The following SOX5 variants were observed in gnomAD, a reference collection of about 807,000 sequenced individuals.
SOX5 encodes SRY-box transcription factor 5, also known as transcription factor SOX-5.
In SOX5, 9 loss-of-function variants were observed where a neutral mutation model predicts 92.0. The observed-to-expected ratio is 0.10, with a 90% CI of 0.06 to 0.17. SOX5 has a LOEUF of 0.17. SOX5 is among the 10% of genes least tolerant of loss of function. The pLI is 1.00. For synonymous variants in SOX5, 344 were observed against 336.3 expected (o/e 1.02, Z -0.25); for missense variants, 642 against 944.5 (o/e 0.68, Z 4.20).
At chr12:23,582,252 T>C (rs1389123526) in intron 9 of SOX5, 1 of 984,890 alleles carries the variant, frequency 1.0e-6, no homozygotes, top group Non-Finnish European at 1.2e-6. Context: ...CCTACCCAAA[T>C]AAGGCATTTC....
At chr12:24,213,419 TAAAAAAAAAAAA>T (rs67296842) in intron 3 of SOX5, 1 of 96,864 alleles carries the variant, frequency 1.0e-5, no homozygotes, top group Non-Finnish European at 2.1e-5. Flanking sequence ...CTTGAAATGC[TAAAAAAAAAAAA>T]AAAAAAAAGA....
At chr12:24,153,594 A>T (rs1251720815) in intron 4 of SOX5, among the ~76,000 whole-genome samples, 2 of 152,126 alleles carry the variant, frequency 1.3e-5, no homozygotes, top group African/African-American at 4.8e-5. Context: ...TAGGTTATCA[A>T]CATCTTCTTT....
chr12:24,112,277 C>T (rs1947445106), intron 4 of SOX5, among the ~76,000 whole-genome samples: 1 of 152,130 alleles, frequency 6.6e-6, no homozygotes, highest in African/African-American at 2.4e-5. Context: ...TGATCTATTC[C>T]TCTCAAAAAA....
chr12:24,390,639 T>C (rs887349861), intron 1 of SOX5, among the ~76,000 whole-genome samples: 8 of 152,162 alleles, frequency 5.3e-5, no homozygotes, highest in African/African-American at 1.9e-4. Flanking sequence ...TACACATTAT[T>C]TACCTCCCAC....
At chr12:24,039,396 A>G (rs895280466) in intron 4 of SOX5, among the ~76,000 whole-genome samples, 1 of 152,232 alleles carries the variant, frequency 6.6e-6, no homozygotes, top group Non-Finnish European at 1.5e-5. Context: ...GTCTTGCTAA[A>G]GTCAACATTG....
intron 3 of SOX5, among the ~76,000 whole-genome samples, chr12:23,820,285 G>A (rs2096081542): frequency 6.6e-6 from 1 of 151,856 alleles, no homozygotes; most frequent in African/African-American, 2.4e-5. Flanking sequence ...GTTTAATGTT[G>A]TAAATTTGTT....
intron 4 of SOX5, among the ~76,000 whole-genome samples, chr12:24,154,511 G>C (rs1951970556): frequency 6.6e-6 from 1 of 152,062 alleles, no homozygotes; most frequent in Non-Finnish European, 1.5e-5. Context: ...ACTTTTAAAA[G>C]GGTAAAAGAG....
At chr12:23,999,324 A>G (rs1486272676) in intron 4 of SOX5, among the ~76,000 whole-genome samples, 1 of 152,070 alleles carries the variant, frequency 6.6e-6, no homozygotes, top group African/African-American at 2.4e-5. Context: ...AATTGAGGAG[A>G]TTTTGACCAA....
At chr12:24,023,067 T>A (rs1484960477) in intron 4 of SOX5, among the ~76,000 whole-genome samples, 1 of 152,108 alleles carries the variant, frequency 6.6e-6, no homozygotes, top group Non-Finnish European at 1.5e-5. Context: ...CAACCCCATA[T>A]CTGAAACATA....
chr12:23,673,603 T>C (rs1483603248), intron 6 of SOX5, among the ~76,000 whole-genome samples: 1 of 152,108 alleles, frequency 6.6e-6, no homozygotes, highest in Non-Finnish European at 1.5e-5. Flanking sequence ...AAATTCCCTA[T>C]TACTTTCTAA....
intron 6 of SOX5, among the ~76,000 whole-genome samples, chr12:23,678,569 C>G (rs2086076789): frequency 6.6e-6 from 1 of 152,108 alleles, no homozygotes; most frequent in Admixed American, 6.6e-5. Context: ...TGCCCTCTAC[C>G]AAAGGCACTT....
intron 4 of SOX5, among the ~76,000 whole-genome samples, chr12:23,745,605 T>G (rs1434497044): frequency 6.6e-6 from 1 of 152,132 alleles, no homozygotes; most frequent in Admixed American, 6.6e-5. Context: ...CCACCACCAC[T>G]CTGAGCACTT....
At position 23,530,786 on chromosome 12, in the gene SOX5, A is replaced by C. The variant is rs1292247529; in HGVS notation, c.*3433T>G. The C allele has an allele frequency of 7.5e-5, 3 of 39,948 alleles. No homozygotes were observed. The Admixed American group carries it at 8.0e-4, about 11-fold the overall frequency. The allele number at this position is 39,948 out of a possible 1,614,324, so 2.5% of individuals were successfully genotyped here. A position where few individuals can be genotyped will look rare whatever the true frequency, so the allele number is the denominator to read the frequency against. ...CAGAATTCTGGCAAGATTATTTCTC[A>C]GTGTTGGGGCAAGTGTGTGTGTGTG... is the stretch of plus-strand genomic sequence containing the variant. On this transcript the variant is annotated 3_prime_UTR_variant, in exon 15 of 15. Transcript: ENST00000451604.
At chr12:24,015,046 G>A (rs1953428193) in intron 4 of SOX5, among the ~76,000 whole-genome samples, 1 of 151,968 alleles carries the variant, frequency 6.6e-6, no homozygotes, top group South Asian at 2.1e-4. Context: ...ATTCATCATT[G>A]TTGTGGAGCT....
chr12:23,580,654 T>C (rs966667018), intron 9 of SOX5, among the ~76,000 whole-genome samples: 4 of 152,072 alleles, frequency 2.6e-5, no homozygotes, highest in African/African-American at 9.7e-5. Context: ...ACTGGGCTAA[T>C]TGTAGTTTTC....
chr12:23,629,530 A>G (rs535076119), intron 8 of SOX5, among the ~76,000 whole-genome samples: 1 of 152,190 alleles, frequency 6.6e-6, no homozygotes, highest in Non-Finnish European at 1.5e-5. Flanking sequence ...GCTTAGCAGC[A>G]GAAATCTTTA....
intron 1 of SOX5, among the ~76,000 whole-genome samples, chr12:24,397,157 T>C (rs1180155173): frequency 1.3e-5 from 2 of 152,220 alleles, no homozygotes; most frequent in Admixed American, 6.5e-5. Context: ...AAAAGTCTTC[T>C]GACTTCCAAG....
rs1183167161 is a variant in SOX5, at chr12:23,916,721, G to C, written c.39-20697C>G. On this transcript the variant is annotated intron_variant, in intron 1 of 14. Transcript: ENST00000451604. ...ATAAATAATCAATGTAGCCTTTCCG[G>C]TTCTTAGAAACCCACAGGGAATTAT... Among the ~76,000 whole-genome samples, 7 of 152,150 alleles carry C rather than the reference G, an allele frequency of 4.6e-5. No homozygotes were observed. In the East Asian group the frequency reaches 1.4e-3, roughly 29 times the overall value.
At chr12:23,875,729 A>G (rs2096920689) in intron 2 of SOX5, among the ~76,000 whole-genome samples, 1 of 152,196 alleles carries the variant, frequency 6.6e-6, no homozygotes, top group Non-Finnish European at 1.5e-5. Context: ...AGATTACACT[A>G]CTATTACTCT....
Sources: gnomAD v4.1 joint callset for allele counts (sites outside exome capture counted in the v4.1 genomes callset) on GRCh38, gnomAD v4.1.1 for gene constraint, MANE v1.5 for transcripts, NCBI Gene and HGNC (gene_info 2026-07-23, HGNC 2026-07-21) for gene names.